KIAA1958: variants seen among roughly 807,000 people sequenced by gnomAD.
The protein encoded by KIAA1958 is KIAA1958.
Under a neutral mutation model 47.2 loss-of-function variants are expected in KIAA1958, and 14 were observed. The ratio of observed to expected loss-of-function variants is 0.30; its 90% CI spans 0.20 to 0.46. The LOEUF (loss-of-function observed/expected upper bound fraction) is 0.46. Among genes scored for constraint, KIAA1958 ranks in the 20% least tolerant of loss-of-function variants. The pLI is 1.00. For missense variants in KIAA1958, 803 were observed against 909.2 expected, an observed-to-expected ratio of 0.88 and a Z score of 1.50; for synonymous variants, 354 against 353.3, an observed-to-expected ratio of 1.00 and a Z score of -0.02.
At chr9:112,532,813 C>G (rs1834773201) in intron 1 of KIAA1958, among the ~76,000 whole-genome samples, 1 of 152,194 alleles carries the variant, frequency 6.6e-6, no homozygotes, top group Admixed American at 6.5e-5. Flanking sequence ...AGATGATATT[C>G]AAGAACTGTA....
intron 1 of KIAA1958, among the ~76,000 whole-genome samples, chr9:112,537,295 C>T (rs1008906342): frequency 2.0e-5 from 3 of 152,072 alleles, no homozygotes; most frequent in South Asian, 2.1e-4. Context: ...TTAGTAGAGG[C>T]GGAGTTTCAC....
intron 1 of KIAA1958, among the ~76,000 whole-genome samples, chr9:112,533,979 A>C (rs1411068699): frequency 6.6e-6 from 1 of 152,328 alleles, no homozygotes; most frequent in East Asian, 1.9e-4. Context: ...AAATATGTGC[A>C]AGAGAGACAG....
intron 1 of KIAA1958, among the ~76,000 whole-genome samples, chr9:112,543,564 CTTCTTTTT>C (rs1254341826): frequency 2.7e-5 from 2 of 74,750 alleles, no homozygotes; most frequent in Non-Finnish European, 4.6e-5. Context: ...AGCTTCTGAG[CTTCTTTTT>C]TTTTTTTTTT....
At chr9:112,583,463 T>G (rs896344304) in intron 2 of KIAA1958, among the ~76,000 whole-genome samples, 1 of 152,162 alleles carries the variant, frequency 6.6e-6, no homozygotes, top group African/African-American at 2.4e-5. Flanking sequence ...ACCTTGGAAT[T>G]CAATTTTTAA....
chr9:112,656,372 CAAAAAA>C (rs35967386), intron 3 of KIAA1958, among the ~76,000 whole-genome samples: 3 of 57,820 alleles, frequency 5.2e-5, no homozygotes, highest in Admixed American at 2.5e-4. Flanking sequence ...GACTCTGTCT[CAAAAAA>C]AAAAAAAAAA....
intron 1 of KIAA1958, among the ~76,000 whole-genome samples, chr9:112,557,292 G>T (rs1835259392): frequency 6.6e-6 from 1 of 152,086 alleles, no homozygotes. Context: ...TGTGTGTTAG[G>T]CTTTGTTCAA....
chr9:112,487,573 G>C (rs1443433277), intron 1 of KIAA1958, among the ~76,000 whole-genome samples: 1 of 152,182 alleles, frequency 6.6e-6, no homozygotes, highest in Non-Finnish European at 1.5e-5. Context: ...AAGAGAGGTG[G>C]TTCAGGGCTC....
At chr9:112,498,703 A>G (rs1281723295) in intron 1 of KIAA1958, among the ~76,000 whole-genome samples, 1 of 152,204 alleles carries the variant, frequency 6.6e-6, no homozygotes, top group Non-Finnish European at 1.5e-5. Flanking sequence ...TATACAACGT[A>G]TAATGATCAA....
At chr9:112,627,746 T>C (rs1836642346) in intron 2 of KIAA1958, among the ~76,000 whole-genome samples, 1 of 152,172 alleles carries the variant, frequency 6.6e-6, no homozygotes, top group African/African-American at 2.4e-5. Flanking sequence ...GGAGCAAGGC[T>C]CCAACCCCCC....
chr9:112,622,793 CT>C (rs1836532258), intron 2 of KIAA1958, among the ~76,000 whole-genome samples: 1 of 152,130 alleles, frequency 6.6e-6, no homozygotes, highest in South Asian at 2.1e-4. Context: ...TATGGCTTAG[CT>C]TGCAGATGCC....
chr9:112,647,715 C>A (rs1588053335), intron 3 of KIAA1958, among the ~76,000 whole-genome samples: 1 of 152,146 alleles, frequency 6.6e-6, no homozygotes, highest in East Asian at 1.9e-4. Context: ...TGAAACAATT[C>A]TTTTTAGACA....
chr9:112,535,357 C>T (rs1300752909), intron 1 of KIAA1958, among the ~76,000 whole-genome samples: 1 of 152,128 alleles, frequency 6.6e-6, no homozygotes, highest in African/African-American at 2.4e-5. Flanking sequence ...TTGTGCCTGT[C>T]TTCTTTTAAC....
chr9:112,633,961 T>C (rs974539573), intron 2 of KIAA1958, among the ~76,000 whole-genome samples: 5 of 152,220 alleles, frequency 3.3e-5, no homozygotes, highest in Admixed American at 6.5e-5. Flanking sequence ...ATTCATGATA[T>C]GTACACGTTT....
intron 1 of KIAA1958, among the ~76,000 whole-genome samples, chr9:112,531,080 C>G (rs539834140): frequency 1.3e-5 from 2 of 152,164 alleles, no homozygotes; most frequent in African/African-American, 4.8e-5. Flanking sequence ...AATTTTTAGT[C>G]TAATTACAAT....
At chr9:112,506,749 G>A (rs952995962) in intron 1 of KIAA1958, among the ~76,000 whole-genome samples, 1 of 151,662 alleles carries the variant, frequency 6.6e-6, no homozygotes. Flanking sequence ...TGCAGATAGA[G>A]TCTGCAGTGT....
At chr9:112,585,062 G>A (rs1272261210) in intron 2 of KIAA1958, among the ~76,000 whole-genome samples, 1 of 152,202 alleles carries the variant, frequency 6.6e-6, no homozygotes, top group African/African-American at 2.4e-5. Context: ...TTTAACAGAA[G>A]GATTGACTGA....
chr9:112,657,514 T>C (rs1588056432), intron 3 of KIAA1958, among the ~76,000 whole-genome samples: 1 of 152,240 alleles, frequency 6.6e-6, no homozygotes, highest in Non-Finnish European at 1.5e-5. Flanking sequence ...ATTTATTATG[T>C]ATATTTAGCA....
chr9:112,571,265 A>T (rs1184498872), intron 1 of KIAA1958, among the ~76,000 whole-genome samples: 1 of 152,210 alleles, frequency 6.6e-6, no homozygotes, highest in East Asian at 1.9e-4. Flanking sequence ...TTTATCACTC[A>T]TATGCATTTC....
chr9:112,663,455 T>C lies in KIAA1958; in HGVS notation c.*3386T>C, dbSNP rs1482673125. On this transcript the variant is annotated 3_prime_UTR_variant, in exon 4 of 4. Transcript: ENST00000337530. ...TAACTAATTTGCATTATACCACTTA[T>C]TTCTTCCATTATGGAGATTCTGTCT... 1 of 152,240 alleles carries C rather than the reference T, an allele frequency of 6.6e-6. No individual in the cohort carries two copies. Among genetic ancestry groups the C allele is most frequent in the Non-Finnish European group, 1.5e-5 (1 of 68,038 alleles). The allele number at this position is 152,240 out of a possible 1,614,324, so 9.4% of individuals were successfully genotyped here.
Sources: allele counts gnomAD v4.1 joint callset (sites outside exome capture counted in the v4.1 genomes callset), GRCh38; gene constraint gnomAD v4.1.1; transcripts MANE v1.5; gene names NCBI Gene and HGNC (gene_info 2026-07-23, HGNC 2026-07-21).